SMUG1: variants seen among roughly 807,000 people sequenced by gnomAD.
SMUG1 encodes the protein single-strand selective monofunctional uracil DNA glycosylase.
A neutral mutation model predicts 23.9 loss-of-function variants in SMUG1; 13 were observed. The observed-to-expected ratio is 0.54, with a 90% CI of 0.35 to 0.86. The LOEUF (loss-of-function observed/expected upper bound fraction) is 0.86, where lower values mean the gene tolerates loss of function less well. SMUG1 is among the 40% of genes least tolerant of loss of function. The pLI is 0.01. For missense variants in SMUG1, 313 were observed against 339.5 expected (o/e 0.92, Z 0.61); for synonymous variants, 133 against 139.8 (o/e 0.95, Z 0.34).
downstream of SMUG1, among the ~76,000 whole-genome samples, chr12:54,179,119 C>G (rs565340629): frequency 5.9e-5 from 9 of 152,232 alleles, no homozygotes; most frequent in Non-Finnish European, 8.8e-5. Context: ...AGGCCACAGA[C>G]AGAAGGCTGC....
At chr12:54,159,701 G>A (rs1290824452) in intron 4 of SMUG1, among the ~76,000 whole-genome samples, 8 of 152,220 alleles carry the variant, frequency 5.3e-5, no homozygotes, top group Admixed American at 5.2e-4. Context: ...AGGGAGAAAG[G>A]AAAGGAGGGA....
intron 3 of SMUG1, among the ~76,000 whole-genome samples, chr12:54,169,653 A>C (rs2136540960): frequency 6.6e-6 from 1 of 152,336 alleles, no homozygotes; most frequent in South Asian, 2.1e-4. Context: ...GAAAATGATG[A>C]GAAAATCATT....
downstream of SMUG1, among the ~76,000 whole-genome samples, chr12:54,161,175 C>T (rs1486125422): frequency 6.6e-6 from 1 of 152,092 alleles, no homozygotes; most frequent in African/African-American, 2.4e-5. The surrounding 1 kb of genome is among the most constrained non-coding windows in gnomAD (Gnocchi z 4.2). Flanking sequence ...CCCCTCCCGC[C>T]CTCCTCCCTG....
At chr12:54,163,571 C>G (rs1592336479), downstream of SMUG1, among the ~76,000 whole-genome samples, 3 of 152,218 alleles carry the variant, frequency 2.0e-5, no homozygotes, top group Middle Eastern at 6.8e-3. Context: ...TTGGAGGAAG[C>G]TGGGGGCGCC....
In SMUG1 at chr12:54,181,594, G is replaced by T. The variant is rs779627898; in HGVS notation, c.*502C>A. 1.3e-6 allele frequency: 2 copies of T among 1,575,526 alleles called. No homozygotes were observed. Among genetic ancestry groups the T allele is most frequent in the South Asian group, 1.1e-5 (1 of 87,066 alleles). ...GGATTTTTCCTCTGATCCAGCTGCA[G>T]CCTCCCATAAGAAGTTCACTCTTAA... On this transcript the variant is annotated 3_prime_UTR_variant, in exon 4 of 4. Coordinates refer to ENST00000682136, the MANE Select transcript of SMUG1 (RefSeq NM_001243787.2).
At chr12:54,174,635 G>T (rs545204697) in intron 2 of SMUG1, among the ~76,000 whole-genome samples, 1 of 152,252 alleles carries the variant, frequency 6.6e-6, no homozygotes, top group Non-Finnish European at 1.5e-5. Flanking sequence ...GGCCTGAAAA[G>T]ATCAGGGTCA....
At chr12:54,179,128 GCCCTGTCGGCTT>G (rs1331785251), downstream of SMUG1, among the ~76,000 whole-genome samples, 8 of 152,186 alleles carry the variant, frequency 5.3e-5, no homozygotes, top group Non-Finnish European at 1.0e-4. Flanking sequence ...ACAGAAGGCT[GCCCTGTCGGCTT>G]CCCTACTTTT....
chr12:54,166,914 GC>G (rs1940484032), intron 3 of SMUG1, among the ~76,000 whole-genome samples: 1 of 152,140 alleles, frequency 6.6e-6, no homozygotes, highest in African/African-American at 2.4e-5. Context: ...ACCCTCACAC[GC>G]CTGTGTGTGA....
intron 2 of SMUG1, among the ~76,000 whole-genome samples, chr12:54,186,223 T>A (rs969620868): frequency 1.3e-5 from 2 of 152,116 alleles, no homozygotes; most frequent in African/African-American, 4.8e-5. Flanking sequence ...GCTCAAACCA[T>A]CCCTTTGATA....
downstream of SMUG1, among the ~76,000 whole-genome samples, chr12:54,179,826 T>C (rs116703323): frequency 0.011 from 1,746 of 152,280 alleles, 39 homozygotes; most frequent in African/African-American, 0.04. Context: ...TACTTATGAT[T>C]ATGGTTCTAT....
intron 2 of SMUG1, chr12:54,175,288 A>G (rs1054537996): frequency 6.6e-6 from 1 of 152,224 alleles, no homozygotes; most frequent in African/African-American, 2.4e-5. Context: ...CTACCTGGAC[A>G]TTGCCTGCCA....
At chr12:54,167,211 C>A (rs1940498705) in intron 3 of SMUG1, among the ~76,000 whole-genome samples, 1 of 152,130 alleles carries the variant, frequency 6.6e-6, no homozygotes, top group South Asian at 2.1e-4. Flanking sequence ...AAATGGCCTC[C>A]TTATTTTCCC....
chr12:54,181,423 C>T lies in SMUG1; in HGVS notation c.*673G>A. Reference sequence around the variant, plus strand: ...TTCAAGTGTGATCTCAGTTAATCCTCACACCAACCCCATAAGGTAGGCATC... The same window carrying T: ...TTCAAGTGTGATCTCAGTTAATCCTTACACCAACCCCATAAGGTAGGCATC... On this transcript the variant is annotated 3_prime_UTR_variant, in exon 4 of 4. Coordinates refer to ENST00000682136, the MANE Select transcript of SMUG1 (RefSeq NM_001243787.2). 2.4e-6 allele frequency: 2 copies of T among 824,812 alleles called. No individual in the cohort carries two copies. Among genetic ancestry groups the T allele is most frequent in the Non-Finnish European group, 3.8e-6 (2 of 521,974 alleles). 51.1% of individuals were successfully genotyped at this position (824,812 alleles called of 1,614,324 possible).
chr12:54,176,508 C>CCCCCCA (rs1565805474), downstream of SMUG1, among the ~76,000 whole-genome samples: 4 of 36,306 alleles, frequency 1.1e-4, no homozygotes, highest in East Asian at 1.7e-3. Flanking sequence ...AAGATCCTGT[C>CCCCCCA]CCCCCCCAAA....
chr12:54,161,515 T>C (rs373341697), downstream of SMUG1, among the ~76,000 whole-genome samples: 338 of 152,272 alleles, frequency 2.2e-3, 7 homozygotes, highest in South Asian at 0.053. The surrounding 1 kb of genome is among the most constrained non-coding windows in gnomAD (Gnocchi z 4.2). Flanking sequence ...GAGTTTGCCC[T>C]ACCTAATTCC....
At chr12:54,171,459 A>G (rs1278294154) in intron 3 of SMUG1, among the ~76,000 whole-genome samples, 1 of 151,170 alleles carries the variant, frequency 6.6e-6, no homozygotes, top group Non-Finnish European at 1.5e-5. Flanking sequence ...TGGGAGGCCA[A>G]GGTGGGCAGA....
At position 54,180,557 on chromosome 12, in the gene SMUG1, G is replaced by C. The variant is rs2136569335; in HGVS notation, c.*1539C>G. On this transcript the variant is annotated 3_prime_UTR_variant, in exon 4 of 4. Coordinates refer to ENST00000682136, the MANE Select transcript of SMUG1 (RefSeq NM_001243787.2). ...GTTCACTTTCCCAGCCCTTACCAAA[G>C]GGGCACCCAGTCAACCATTCAGCAG... 6.6e-6 allele frequency: 1 copy of C among 152,250 alleles called. No homozygotes were observed. The highest frequency in any genetic ancestry group is 3.4e-3 in the Middle Eastern group (1 of 294). The allele number at this position is 152,250 out of a possible 1,614,324, so 9.4% of individuals were successfully genotyped here.
At chr12:54,186,620 G>A (rs1303762646) in intron 2 of SMUG1, among the ~76,000 whole-genome samples, 1 of 152,124 alleles carries the variant, frequency 6.6e-6, no homozygotes, top group African/African-American at 2.4e-5. Context: ...GATTACAAAC[G>A]TGAGCTACCG....
chr12:54,174,885 G>C (rs1940716076), intron 2 of SMUG1: 1 of 152,214 alleles, frequency 6.6e-6, no homozygotes, highest in South Asian at 2.1e-4. Flanking sequence ...AAAATAAGGA[G>C]GGAGAGAAAA....
Sources: allele counts gnomAD v4.1 joint callset (sites outside exome capture counted in the v4.1 genomes callset), GRCh38; gene constraint gnomAD v4.1.1; non-coding constraint Gnocchi (gnomAD v3.1); transcripts MANE v1.5; gene names NCBI Gene and HGNC (gene_info 2026-07-23, HGNC 2026-07-21).